Variants in KCNQ1 observed in about 807,000 individuals in gnomAD.
KCNQ1 encodes potassium voltage-gated channel subfamily Q member 1, also known as potassium voltage-gated channel subfamily KQT member 1.
A neutral mutation model predicts 72.4 loss-of-function variants in KCNQ1; 49 were observed. That is an observed-to-expected ratio of 0.68 (90% CI 0.54 to 0.86). The LOEUF is 0.86. KCNQ1 is among the 40% of genes least tolerant of loss of function. The pLI, the probability that KCNQ1 is intolerant of heterozygous loss-of-function variation, is 0.00. For synonymous variants in KCNQ1, 450 were observed against 412.6 expected (o/e 1.09, Z -1.10); for missense variants, 790 against 945.1 (o/e 0.84, Z 2.15).
rs56231923 is a variant in KCNQ1 at position 2,544,270 on chromosome 11, G to A, written c.477+16252G>A. Among the ~76,000 whole-genome samples the A allele has an allele frequency of 7.8e-5, 7 of 90,068 alleles. No homozygotes were observed. Among genetic ancestry groups the A allele is most frequent in the African/African-American group, 2.3e-4 (3 of 13,034 alleles). The allele number at this position is 90,068 out of a possible 152,430, so 59.1% of individuals were successfully genotyped here. On this transcript the variant is annotated intron_variant, in intron 2 of 15. Transcript: ENST00000155840. The surrounding 1 kb of genome is among the most constrained non-coding windows in gnomAD (Gnocchi z 4.4). ...TGTGTATATATATATGTGTGTGTGT[G>A]TATATATATGTGTATATATATATGT...
intron 1 of KCNQ1, among the ~76,000 whole-genome samples, chr11:2,521,919 G>A (rs1041692137): frequency 2.5e-4 from 38 of 152,228 alleles, no homozygotes; most frequent in Non-Finnish European, 4.3e-4. Context: ...TTCAGCTCGC[G>A]TTAGCCCCAG....
intron 8 of KCNQ1, among the ~76,000 whole-genome samples, chr11:2,586,577 C>G (rs1329272292): frequency 6.6e-6 from 1 of 152,128 alleles, no homozygotes; most frequent in East Asian, 1.9e-4. Flanking sequence ...CCCCAGGTGG[C>G]AGGTGTGCAC....
At position 2,776,034 on chromosome 11, in the gene KCNQ1, C is replaced by T. The variant is rs878853755; in HGVS notation, c.1665C>T (p.Arg555=). 3.2e-6 allele frequency: 5 copies of T among 1,566,830 alleles called. No homozygotes were observed. The highest frequency in any genetic ancestry group is 4.3e-6 in the Non-Finnish European group (5 of 1,155,832). ...AGGGCCACCTCAACCTCATGGTGCG[C>T]ATCAAGGAGCTGCAGAGGAGGTGGG... is the stretch of plus-strand genomic sequence containing the variant. The part of the protein sequence containing the change: ...YSQGHLNLMV[R]IKELQRRLDQ... The change falls in exon 13 of 16, where the codon CGC becomes CGT. Residue 555 remains arginine, a synonymous_variant. Coordinates refer to ENST00000155840, the MANE Select transcript of KCNQ1 (RefSeq NM_000218.3).
At position 2,704,231 on chromosome 11, in the gene KCNQ1, T is replaced by A. The variant is rs561965105; in HGVS notation, c.1514+42150T>A. Among the ~76,000 whole-genome samples the A allele has an allele frequency of 2.6e-4, 39 of 152,368 alleles. No homozygotes were observed. Among genetic ancestry groups the A allele is most frequent in the Non-Finnish European group, 3.8e-4 (26 of 68,026 alleles). ...CTGCTGACCCTGCAGCCCATGTCCT[T>A]GTTCCAGAATCTTCCGCCTCCTGTG... On this transcript the variant is annotated intron_variant, in intron 11 of 15. Transcript: ENST00000155840. The surrounding 1 kb of genome is among the most constrained non-coding windows in gnomAD (Gnocchi z 4.3).
intron 2 of KCNQ1, among the ~76,000 whole-genome samples, chr11:2,569,216 C>T (rs1033981348): frequency 2.6e-5 from 4 of 152,208 alleles, no homozygotes; most frequent in African/African-American, 9.6e-5. Context: ...CCCCTGCCAT[C>T]TCCAGTATGC....
chr11:2,730,355 G>A (rs1845834020), intron 11 of KCNQ1, among the ~76,000 whole-genome samples: 1 of 152,236 alleles, frequency 6.6e-6, no homozygotes, highest in Non-Finnish European at 1.5e-5. Flanking sequence ...AGCTCTGGAG[G>A]TCAGATGTCC....
At position 2,803,114 on chromosome 11, in the gene KCNQ1, G is replaced by A. The variant is rs1847303242; in HGVS notation, c.1794+25077G>A. On this transcript the variant is annotated intron_variant, in intron 15 of 15. Transcript: ENST00000155840. The surrounding 1 kb of genome is among the most constrained non-coding windows in gnomAD (Gnocchi z 6.4). ...ACGGGAGTCAATGGTGAGGGGCAGAGTGAGCAAGGGGCTCAGGGTAGCCCA... is the reference window on the plus strand; with the variant it reads ...ACGGGAGTCAATGGTGAGGGGCAGAATGAGCAAGGGGCTCAGGGTAGCCCA... 6.6e-6 allele frequency among the ~76,000 whole-genome samples: 1 copy of A among 151,950 alleles called. No individual in the cohort carries two copies. The highest frequency in any genetic ancestry group is 2.4e-5 in the African/African-American group (1 of 41,338).
rs986549487 is a variant in KCNQ1 at position 2,654,280 on chromosome 11, G to A, written c.1394-7681G>A. The A allele has an allele frequency of 1.5e-5, 6 of 398,724 alleles. No homozygotes were observed. Among genetic ancestry groups the A allele is most frequent in the African/African-American group, 8.2e-5 (4 of 48,602 alleles). 24.7% of individuals were successfully genotyped at this position (398,724 alleles called of 1,614,324 possible). ...ACAGTGCAGGATCCGCAGGGCTTTGGTGAATCCACTGAGAGGGGGAGATTT... is the reference window on the plus strand; with the variant it reads ...ACAGTGCAGGATCCGCAGGGCTTTGATGAATCCACTGAGAGGGGGAGATTT... On this transcript the variant is annotated intron_variant, in intron 10 of 15. Transcript: ENST00000155840. The surrounding 1 kb of genome is among the most constrained non-coding windows in gnomAD (Gnocchi z 6.4).
intron 6 of KCNQ1, among the ~76,000 whole-genome samples, chr11:2,578,744 G>T (rs1436760221): frequency 6.6e-6 from 1 of 152,262 alleles, no homozygotes; most frequent in Non-Finnish European, 1.5e-5. Context: ...ATCCTTAGGT[G>T]CCTCCTCACG....
chr11:2,691,396 C>T lies in KCNQ1; in HGVS notation c.1514+29315C>T. On this transcript the variant is annotated intron_variant, in intron 11 of 15. Transcript: ENST00000155840. The surrounding 1 kb of genome is among the most constrained non-coding windows in gnomAD (Gnocchi z 6.4). The stretch of plus-strand genomic sequence containing the variant: ...GGCCTCTGGGTCTGGGCATAGAAGC[C>T]CAGGAACTGCTGTCTGTGGGGAGTC... The T allele has an allele frequency of 2.5e-6, 1 of 398,632 alleles. No individual in the cohort carries two copies. Among genetic ancestry groups the T allele is most frequent in the Non-Finnish European group, 4.4e-6 (1 of 226,084 alleles). The allele number at this position is 398,632 out of a possible 1,614,324, so 24.7% of individuals were successfully genotyped here.
rs1847969833 is a variant in KCNQ1 at position 2,550,652 on chromosome 11, G to T, written c.478-19976G>T. On this transcript the variant is annotated intron_variant, in intron 2 of 15. Coordinates refer to ENST00000155840, the MANE Select transcript of KCNQ1 (RefSeq NM_000218.3). The surrounding 1 kb of genome is among the most constrained non-coding windows in gnomAD (Gnocchi z 6.0). ...CAGGTGAATGAAGGGTGCTGGGGTG[G>T]CGAGTTGAGGGCCAACAGAGATGGT... 2.0e-5 allele frequency among the ~76,000 whole-genome samples: 3 copies of T among 152,186 alleles called. No individual in the cohort carries two copies. Among genetic ancestry groups the T allele is most frequent in the African/African-American group, 7.2e-5 (3 of 41,444 alleles).
intron 1 of KCNQ1, among the ~76,000 whole-genome samples, chr11:2,503,285 A>C (rs1444316329): frequency 6.6e-6 from 1 of 152,256 alleles, no homozygotes; most frequent in Non-Finnish European, 1.5e-5. Flanking sequence ...ACAAGGGACT[A>C]ATAACCAGAA....
At chr11:2,534,796 G>A (rs1336889262) in intron 2 of KCNQ1, among the ~76,000 whole-genome samples, 1 of 152,370 alleles carries the variant, frequency 6.6e-6, no homozygotes, top group South Asian at 2.1e-4. Context: ...TGGCAGGGTT[G>A]TTTCCGCCTG....
intron 11 of KCNQ1, chr11:2,681,413 G>C (rs1850394790): frequency 7.5e-6 from 3 of 398,436 alleles, no homozygotes; most frequent in Non-Finnish European, 1.3e-5. Flanking sequence ...CAAAGAATGG[G>C]GATCCCTGTG....
rs1264127567 is a variant in KCNQ1, at chr11:2,471,893, GGTGT to G, written c.386+26414_386+26417del. On this transcript the variant is annotated intron_variant, in intron 1 of 15. Transcript: ENST00000155840. This position sits in a 1 kb window ranked among gnomAD's most constrained non-coding sequence, Gnocchi z 4.8. ...ATGGGTGTGTGTGCACATGTGTATA[GGTGT>G]GTGTATGCGTGCACCTATGTGTGTA... is the stretch of plus-strand genomic sequence containing the variant. 6.7e-6 allele frequency among the ~76,000 whole-genome samples: 1 copy of G among 148,694 alleles called. No homozygotes were observed. The highest frequency in any genetic ancestry group is 1.5e-5 in the Non-Finnish European group (1 of 67,226).
chr11:2,727,709 G>A (rs1444282127), intron 11 of KCNQ1, among the ~76,000 whole-genome samples: 1 of 152,128 alleles, frequency 6.6e-6, no homozygotes, highest in Non-Finnish European at 1.5e-5. Flanking sequence ...AGCCTCCTAG[G>A]GCAGAGTGAG....
rs1590085840 is a variant in KCNQ1 at position 2,782,915 on chromosome 11, A to G, written c.1794+4878A>G. Among the ~76,000 whole-genome samples, 2 of 151,756 alleles carry G rather than the reference A, an allele frequency of 1.3e-5. No individual in the cohort carries two copies. Among genetic ancestry groups the G allele is most frequent in the Admixed American group, 6.6e-5 (1 of 15,258 alleles). On this transcript the variant is annotated intron_variant, in intron 15 of 15. Coordinates refer to ENST00000155840, the MANE Select transcript of KCNQ1 (RefSeq NM_000218.3). This position sits in a 1 kb window ranked among gnomAD's most constrained non-coding sequence, Gnocchi z 6.1. ...CTCTATTGTGATTTTGTTTTGTTTCATTCACTTCTGTTTATTTTATTCCTT... is the reference window on the plus strand; with the variant it reads ...CTCTATTGTGATTTTGTTTTGTTTCGTTCACTTCTGTTTATTTTATTCCTT...
At chr11:2,528,809 A>T (rs1465273004) in intron 2 of KCNQ1, among the ~76,000 whole-genome samples, 1 of 152,234 alleles carries the variant, frequency 6.6e-6, no homozygotes. Flanking sequence ...GGCTGGTTTC[A>T]TGCTGCTTTC....
At chr11:2,796,470 C>T (rs336985) in intron 15 of KCNQ1, among the ~76,000 whole-genome samples, 4,479 of 152,330 alleles carry the variant, frequency 0.029, 110 homozygotes, top group Non-Finnish European at 0.044. Context: ...CTTTATACCC[C>T]GAGACCAGGC....
Sources: allele counts gnomAD v4.1 joint callset (sites outside exome capture counted in the v4.1 genomes callset), GRCh38; gene constraint gnomAD v4.1.1; non-coding constraint Gnocchi (gnomAD v3.1); transcripts MANE v1.5; gene names NCBI Gene and HGNC (gene_info 2026-07-23, HGNC 2026-07-21).